PACRG: variants seen among roughly 807,000 people sequenced by gnomAD.
PACRG encodes parkin coregulated gene protein.
A neutral mutation model predicts 29.7 loss-of-function variants in PACRG; 29 were observed. That is an observed-to-expected ratio of 0.98 (90% CI 0.73 to 1.33). The LOEUF (loss-of-function observed/expected upper bound fraction) is 1.33, where lower values mean the gene tolerates loss of function less well. Among genes scored for constraint, PACRG ranks in the 40% most tolerant of loss-of-function variants. The pLI, the probability that PACRG is intolerant of heterozygous loss-of-function variation, is 0.00. For missense variants in PACRG, 279 were observed against 316.2 expected (o/e 0.88, Z 0.89); for synonymous variants, 116 against 118.7 (o/e 0.98, Z 0.15).
chr6:163,301,499 C>T (rs918438290), intron 4 of PACRG, among the ~76,000 whole-genome samples: 1 of 152,204 alleles, frequency 6.6e-6, no homozygotes, highest in African/African-American at 2.4e-5. Flanking sequence ...CATAAAGGGA[C>T]ATCCCAAAGA....
intron 2 of PACRG, chr6:163,051,506 A>G (rs1469008162): frequency 6.6e-6 from 1 of 151,268 alleles, no homozygotes; most frequent in Non-Finnish European, 1.5e-5. Context: ...TTGATTTCCT[A>G]GGTTTCCATT....
At chr6:163,140,044 C>T (rs1299168355) in intron 4 of PACRG, among the ~76,000 whole-genome samples, 1 of 152,192 alleles carries the variant, frequency 6.6e-6, no homozygotes, top group African/African-American at 2.4e-5. Context: ...CAACCCAGCC[C>T]AGGCTGGTCT....
At chr6:163,123,687 G>A (rs148784199) in intron 4 of PACRG, among the ~76,000 whole-genome samples, 259 of 152,214 alleles carry the variant, frequency 1.7e-3, no homozygotes, top group African/African-American at 5.2e-3. Flanking sequence ...AGTAACCAGC[G>A]TTCTATTGTC....
intron 4 of PACRG, among the ~76,000 whole-genome samples, chr6:163,124,035 T>C (rs1336314891): frequency 6.6e-6 from 1 of 152,232 alleles, no homozygotes; most frequent in East Asian, 1.9e-4. Context: ...TGGTATTCTA[T>C]TTTAATTTTT....
rs185402915 is a variant in PACRG at position 163,221,731 on chromosome 6, G to A, written c.614-93096G>A. ...GCTGAACTGTACTGAACTGACCAAA[G>A]CACTGCAGTTCAGTGGGCTTGCTGA... On this transcript the variant is annotated intron_variant, in intron 4 of 4. Coordinates refer to ENST00000366888, the MANE Select transcript of PACRG (RefSeq NM_001080379.2). 1.9e-3 allele frequency among the ~76,000 whole-genome samples: 294 copies of A among 152,298 alleles called. 2 individuals carry two copies. Among genetic ancestry groups the A allele is most frequent in the African/African-American group, 6.8e-3 (283 of 41,560 alleles).
intron 4 of PACRG, chr6:163,312,754 T>TTTTG (rs780583672): frequency 5.0e-5 from 22 of 440,226 alleles, no homozygotes; most frequent in Middle Eastern, 6.9e-4. Flanking sequence ...ATTCTTTTTG[T>TTTTG]TTTGTTTGTT....
intron 2 of PACRG, among the ~76,000 whole-genome samples, chr6:162,877,110 A>T (rs1224464375): frequency 6.6e-6 from 1 of 152,222 alleles, no homozygotes; most frequent in African/African-American, 2.4e-5. Flanking sequence ...ATTATAAATC[A>T]TTCTACTATA....
intron 2 of PACRG, among the ~76,000 whole-genome samples, chr6:162,970,271 A>C (rs1801414935): frequency 6.6e-6 from 1 of 152,084 alleles, no homozygotes. Flanking sequence ...TGCCACGTGG[A>C]GCTAAGGAGT....
intron 4 of PACRG, among the ~76,000 whole-genome samples, chr6:163,150,013 C>T (rs933904719): frequency 6.6e-6 from 1 of 152,188 alleles, no homozygotes; most frequent in Non-Finnish European, 1.5e-5. Flanking sequence ...TCTAGCTGTG[C>T]GTTAGTTCAA....
chr6:163,181,305 T>C (rs531401130), intron 4 of PACRG, among the ~76,000 whole-genome samples: 5 of 152,292 alleles, frequency 3.3e-5, no homozygotes, highest in Admixed American at 6.5e-5. Flanking sequence ...CTAGGAACTT[T>C]GACCCACACA....
At chr6:162,761,965 CA>C (rs889734861) in intron 1 of PACRG, among the ~76,000 whole-genome samples, 1 of 136,082 alleles carries the variant, frequency 7.3e-6, no homozygotes, top group Non-Finnish European at 1.6e-5. Context: ...AACCCCCCCC[CA>C]AAAAAAAACC....
intron 4 of PACRG, among the ~76,000 whole-genome samples, chr6:163,298,734 T>C (rs769115305): frequency 4.6e-5 from 7 of 152,078 alleles, no homozygotes; most frequent in Non-Finnish European, 8.8e-5. Flanking sequence ...TTAGGTAGAG[T>C]AGATATCAAT....
At chr6:163,007,805 A>G (rs1805256217) in intron 2 of PACRG, among the ~76,000 whole-genome samples, 1 of 152,118 alleles carries the variant, frequency 6.6e-6, no homozygotes. Flanking sequence ...TCTAGATGGA[A>G]CTGGATTTTC....
chr6:163,136,247 C>T (rs1205193484), intron 4 of PACRG, among the ~76,000 whole-genome samples: 1 of 152,172 alleles, frequency 6.6e-6, no homozygotes, highest in Non-Finnish European at 1.5e-5. Context: ...CTCTGCCTCT[C>T]TCTGATGTGA....
chr6:163,184,632 G>A (rs573606681), intron 4 of PACRG, among the ~76,000 whole-genome samples: 1 of 152,270 alleles, frequency 6.6e-6, no homozygotes, highest in African/African-American at 2.4e-5. Flanking sequence ...AGTGGTACAG[G>A]TGCTATGAGC....
chr6:163,085,906 A>G (rs759333771), intron 3 of PACRG, among the ~76,000 whole-genome samples: 1 of 152,238 alleles, frequency 6.6e-6, no homozygotes, highest in African/African-American at 2.4e-5. Context: ...TGTCCTTCCA[A>G]TTCCTAAAAC....
intron 4 of PACRG, among the ~76,000 whole-genome samples, chr6:163,292,732 T>C (rs1015778326): frequency 2.0e-5 from 3 of 152,164 alleles, no homozygotes; most frequent in East Asian, 1.9e-4. Flanking sequence ...TCCCCAATGG[T>C]TGTTTTAAAT....
intron 4 of PACRG, among the ~76,000 whole-genome samples, chr6:163,272,472 T>C (rs1053905724): frequency 2.6e-5 from 4 of 152,196 alleles, no homozygotes; most frequent in African/African-American, 9.7e-5. Flanking sequence ...CCTTCCCAAG[T>C]TTTTTACCTC....
At chr6:162,947,292 A>G (rs1018220395) in intron 2 of PACRG, among the ~76,000 whole-genome samples, 1 of 15,820 alleles carries the variant, frequency 6.3e-5, no homozygotes, top group East Asian at 5.6e-4. Flanking sequence ...AATCATACAT[A>G]TAATCATATA....
Sources: allele counts gnomAD v4.1 joint callset (sites outside exome capture counted in the v4.1 genomes callset), GRCh38; gene constraint gnomAD v4.1.1; transcripts MANE v1.5; gene names NCBI Gene and HGNC (gene_info 2026-07-23, HGNC 2026-07-21).